The following RIMBP2 variants were observed in gnomAD, a reference collection of about 807,000 sequenced individuals.
The protein encoded by RIMBP2 is RIMS-binding protein 2.
A neutral mutation model predicts 118.6 loss-of-function variants in RIMBP2; 48 were observed. That is an observed-to-expected ratio of 0.40 (90% CI 0.32 to 0.51). The LOEUF (loss-of-function observed/expected upper bound fraction) is 0.51, where lower values mean the gene tolerates loss of function less well. Ranked by LOEUF, RIMBP2 falls within the 20% of genes least tolerant of loss-of-function variation. The pLI, the probability that RIMBP2 is intolerant of heterozygous loss-of-function variation, is 0.41. For synonymous variants in RIMBP2, 762 were observed against 742.9 expected, an observed-to-expected ratio of 1.03 and a Z score of -0.42; for missense variants, 1,551 against 1,768.3, an observed-to-expected ratio of 0.88 and a Z score of 2.20.
chr12:130,589,443 G>A (rs2059123303), intron 2 of RIMBP2, among the ~76,000 whole-genome samples: 5 of 152,244 alleles, frequency 3.3e-5, no homozygotes, highest in African/African-American at 1.2e-4. Flanking sequence ...TGCAAACAAA[G>A]CTCCTTATTT....
chr12:130,708,844 G>A (rs1209827311), intron 1 of RIMBP2, among the ~76,000 whole-genome samples: 2 of 152,222 alleles, frequency 1.3e-5, no homozygotes, highest in African/African-American at 4.8e-5. Flanking sequence ...CTCCGCCCCA[G>A]CTTCTCTGGG....
chr12:130,704,609 C>T (rs184085861), intron 1 of RIMBP2, among the ~76,000 whole-genome samples: 3 of 152,178 alleles, frequency 2.0e-5, no homozygotes, highest in Non-Finnish European at 2.9e-5. Flanking sequence ...AAGTAAATGG[C>T]TTCTAAAGGG....
At chr12:130,502,987 C>T (rs1329024813) in intron 4 of RIMBP2, among the ~76,000 whole-genome samples, 2 of 152,108 alleles carry the variant, frequency 1.3e-5, no homozygotes, top group African/African-American at 4.8e-5. Flanking sequence ...CTAGTTAGAC[C>T]ACCCCACTTG....
intron 9 of RIMBP2, among the ~76,000 whole-genome samples, chr12:130,445,504 G>A (rs1156952674): frequency 6.6e-6 from 1 of 152,170 alleles, no homozygotes; most frequent in Non-Finnish European, 1.5e-5. Flanking sequence ...TATATGCTCA[G>A]AACTATTTGC....
chr12:130,414,455 C>A, intron 17 of RIMBP2, 149 bp from the exon 18 acceptor site: 1 of 710,628 alleles, frequency 1.4e-6, no homozygotes, highest in Non-Finnish European at 2.3e-6. Context: ...GGAAATAGAT[C>A]GGGAGGTCTA....
intron 4 of RIMBP2, among the ~76,000 whole-genome samples, chr12:130,499,690 T>C (rs1000745095): frequency 6.6e-6 from 1 of 152,106 alleles, no homozygotes; most frequent in African/African-American, 2.4e-5. Context: ...TTCATCCAGG[T>C]CTCTTTTCAA....
intron 1 of RIMBP2, among the ~76,000 whole-genome samples, chr12:130,645,429 G>A (rs1468901637): frequency 1.3e-5 from 2 of 152,188 alleles, no homozygotes; most frequent in Non-Finnish European, 2.9e-5. Context: ...ACTCCCTCCA[G>A]GCCCCTGAAG....
intron 1 of RIMBP2, among the ~76,000 whole-genome samples, chr12:130,672,910 G>A (rs1324759795): frequency 6.6e-6 from 1 of 152,296 alleles, no homozygotes; most frequent in South Asian, 2.1e-4. Context: ...TCCACACTTC[G>A]TCACCTTCAC....
intron 6 of RIMBP2, among the ~76,000 whole-genome samples, chr12:130,468,315 G>A (rs1233673319): frequency 2.0e-5 from 3 of 152,262 alleles, no homozygotes; most frequent in Non-Finnish European, 2.9e-5. Flanking sequence ...TCAGTGGCAT[G>A]AGAAACATCT....
intron 4 of RIMBP2, among the ~76,000 whole-genome samples, chr12:130,485,237 A>G (rs1001600112): frequency 4.6e-5 from 7 of 152,228 alleles, no homozygotes; most frequent in African/African-American, 1.2e-4. Context: ...TTAAGCACCT[A>G]CTATATGCAG....
At chr12:130,455,537 C>T (rs866536016) in intron 7 of RIMBP2, among the ~76,000 whole-genome samples, 1 of 152,216 alleles carries the variant, frequency 6.6e-6, no homozygotes, top group Non-Finnish European at 1.5e-5. Context: ...TTACCCCACC[C>T]GGCATTCTCT....
intron 2 of RIMBP2, among the ~76,000 whole-genome samples, chr12:130,561,477 A>G (rs1340401209): frequency 6.6e-6 from 1 of 152,116 alleles, no homozygotes; most frequent in Non-Finnish European, 1.5e-5. Flanking sequence ...AGGTACCCCA[A>G]ACCCAATTTC....
chr12:130,663,137 T>G (rs1265238254), intron 1 of RIMBP2, among the ~76,000 whole-genome samples: 2 of 152,148 alleles, frequency 1.3e-5, no homozygotes, highest in African/African-American at 4.8e-5. Flanking sequence ...CTGGGTTATT[T>G]TTGCCAAGTA....
intron 4 of RIMBP2, among the ~76,000 whole-genome samples, chr12:130,488,950 T>C (rs556486700): frequency 1.4e-5 from 2 of 146,478 alleles, no homozygotes; most frequent in South Asian, 4.4e-4. Context: ...GTATAGACAC[T>C]GGTGGATGGG....
chr12:130,685,475 C>T (rs974283702), intron 1 of RIMBP2, among the ~76,000 whole-genome samples: 9 of 152,176 alleles, frequency 5.9e-5, no homozygotes, highest in African/African-American at 1.7e-4. Context: ...ACTGGGCAGG[C>T]GCCGTTGCCC....
chr12:130,501,896 G>C (rs1210533359), intron 4 of RIMBP2, among the ~76,000 whole-genome samples: 5 of 152,234 alleles, frequency 3.3e-5, no homozygotes, highest in African/African-American at 9.6e-5. Context: ...CATTCTTGCT[G>C]ACGTAATTTC....
At chr12:130,408,559 T>C (rs529685612) in intron 19 of RIMBP2, among the ~76,000 whole-genome samples, 2 of 152,242 alleles carry the variant, frequency 1.3e-5, no homozygotes, top group African/African-American at 4.8e-5. Context: ...TGCAGAGGAA[T>C]TGCCCTAGGC....
chr12:130,654,357 G>C (rs910816359), intron 1 of RIMBP2, among the ~76,000 whole-genome samples: 2 of 152,156 alleles, frequency 1.3e-5, no homozygotes, highest in Non-Finnish European at 2.9e-5. Context: ...TAAAGCCCTA[G>C]GACACAGATA....
intron 1 of RIMBP2, among the ~76,000 whole-genome samples, chr12:130,645,930 C>A (rs1341918956): frequency 3.9e-5 from 6 of 152,268 alleles, no homozygotes; most frequent in African/African-American, 1.4e-4. Flanking sequence ...TACTAAGTCA[C>A]TGAATAGCTT....
Sources: allele counts gnomAD v4.1 joint callset (sites outside exome capture counted in the v4.1 genomes callset), GRCh38; gene constraint gnomAD v4.1.1; transcripts MANE v1.5; gene names NCBI Gene and HGNC (gene_info 2026-07-23, HGNC 2026-07-21).